The following PTPRD variants were observed in gnomAD, a reference collection of about 807,000 sequenced individuals.
The protein encoded by PTPRD is protein tyrosine phosphatase receptor type D, also known as receptor-type tyrosine-protein phosphatase delta.
Under a neutral mutation model 214.5 loss-of-function variants are expected in PTPRD, and 34 were observed. The ratio of observed to expected loss-of-function variants is 0.16; its 90% confidence interval spans 0.12 to 0.21. The LOEUF (loss-of-function observed/expected upper bound fraction) is 0.21. PTPRD is among the 10% of genes least tolerant of loss of function. The pLI is 1.00. For missense variants in PTPRD, 2,545 were observed against 2,398.7 expected (o/e 1.06, Z -1.27); for synonymous variants, 1,128 against 845.7 (o/e 1.33, Z -5.79).
intron 4 of PTPRD, among the ~76,000 whole-genome samples, chr9:10,030,461 G>T (rs1229777732): frequency 6.6e-6 from 1 of 152,138 alleles, no homozygotes; most frequent in Non-Finnish European, 1.5e-5. Flanking sequence ...AGTACCTGTT[G>T]GTTTGAGTAT....
At chr9:9,380,636 T>C (rs756257480) in intron 9 of PTPRD, among the ~76,000 whole-genome samples, 7 of 152,146 alleles carry the variant, frequency 4.6e-5, no homozygotes, top group Non-Finnish European at 8.8e-5. Context: ...TCCATGTGAG[T>C]TTGAGAAGAA....
intron 10 of PTPRD, among the ~76,000 whole-genome samples, chr9:9,100,040 T>C (rs186196798): frequency 1.3e-5 from 2 of 152,268 alleles, no homozygotes; most frequent in Admixed American, 1.3e-4. Context: ...AAAAGAGTCA[T>C]ACAAAATATC....
At chr9:9,081,710 T>C (rs2099759289) in intron 10 of PTPRD, among the ~76,000 whole-genome samples, 1 of 152,096 alleles carries the variant, frequency 6.6e-6, no homozygotes, top group Non-Finnish European at 1.5e-5. Flanking sequence ...TTAGGAGAGT[T>C]AGCTCTTCTT....
intron 12 of PTPRD, among the ~76,000 whole-genome samples, chr9:8,721,533 T>G (rs1597948534): frequency 1.3e-5 from 2 of 152,224 alleles, no homozygotes; most frequent in East Asian, 3.9e-4. Flanking sequence ...AAAATTAATT[T>G]TATTGATAAA....
Position 9,920,942 on chromosome 9 carries a change from T to C in PTPRD, c.-368+17565A>G, listed in dbSNP as rs375616869. Among the ~76,000 whole-genome samples, 13 of 152,266 alleles carry C rather than the reference T, an allele frequency of 8.5e-5. No individual in the cohort carries two copies. In the East Asian group the frequency reaches 2.5e-3, roughly 29 times the overall value. ...TGCTCTATTAATCTAGTTTAACTGA[T>C]ACTAAAATCTGACAGAGCGAATTAC... On this transcript the variant is annotated intron_variant, in intron 5 of 45. Coordinates refer to ENST00000381196, the MANE Select transcript of PTPRD (RefSeq NM_002839.4).
intron 5 of PTPRD, among the ~76,000 whole-genome samples, chr9:9,840,232 T>G (rs894810234): frequency 3.3e-5 from 5 of 151,944 alleles, no homozygotes; most frequent in African/African-American, 1.2e-4. Context: ...GAGATGGGGT[T>G]TTAAACTCCT....
chr9:8,731,562 G>A lies in PTPRD; in HGVS notation c.64+2218C>T, dbSNP rs1299458783. ...TAACTTTATTTTTATTTCAGTGTTTGAAGAAAAGGTAATGACAGTATTTGA... is the reference window on the plus strand; with the variant it reads ...TAACTTTATTTTTATTTCAGTGTTTAAAGAAAAGGTAATGACAGTATTTGA... On this transcript the variant is annotated intron_variant, in intron 12 of 45. Coordinates refer to ENST00000381196, the MANE Select transcript of PTPRD (RefSeq NM_002839.4). Among the ~76,000 whole-genome samples, 3 of 152,120 alleles carry A rather than the reference G, an allele frequency of 2.0e-5. No homozygotes were observed. In the South Asian group the frequency reaches 6.2e-4, roughly 32 times the overall value.
Position 9,293,422 on chromosome 9 carries a change from C to A in PTPRD, c.-203+104027G>T, listed in dbSNP as rs150463216. On this transcript the variant is annotated intron_variant, in intron 9 of 45. Transcript: ENST00000381196. The stretch of plus-strand genomic sequence containing the variant: ...TTTTGCATTTTGTTTCTTTTATGTC[C>A]TTAAATTTTTACACTACAAGCTGTC... Among the ~76,000 whole-genome samples the A allele has an allele frequency of 4.8e-5, 7 of 145,816 alleles. No homozygotes were observed. In the Admixed American group the frequency reaches 4.8e-4, roughly 10 times the overall value.
At chr9:10,193,912 C>T (rs189812401) in intron 3 of PTPRD, among the ~76,000 whole-genome samples, 2 of 152,144 alleles carry the variant, frequency 1.3e-5, no homozygotes, top group East Asian at 3.9e-4. Flanking sequence ...GTTAGATGCT[C>T]CGAAACACGT....
chr9:10,060,083 G>C (rs2097730454), intron 3 of PTPRD, among the ~76,000 whole-genome samples: 1 of 152,014 alleles, frequency 6.6e-6, no homozygotes, highest in Non-Finnish European at 1.5e-5. Flanking sequence ...AATATTCAAA[G>C]AATATAAGGA....
chr9:9,333,120 A>ACTT (rs982567681), intron 9 of PTPRD, among the ~76,000 whole-genome samples: 3 of 151,970 alleles, frequency 2.0e-5, no homozygotes, highest in Non-Finnish European at 4.4e-5. Context: ...CTGCAGAGAT[A>ACTT]CTTCAAATAT....
rs1201854859 is a variant in PTPRD at position 9,738,427 on chromosome 9, TTCAC to T, written c.-325-3860_-325-3857del. Reference sequence around the variant, plus strand: ...TTTGGAGAAATATGTATTAAAATTCTTCACTCACTCACTTTTTTTTTTTTTTTTT... The same window carrying T: ...TTTGGAGAAATATGTATTAAAATTCTTCACTCACTTTTTTTTTTTTTTTTT... On this transcript the variant is annotated intron_variant, in intron 6 of 45. Coordinates refer to ENST00000381196, the MANE Select transcript of PTPRD (RefSeq NM_002839.4). Among the ~76,000 whole-genome samples the T allele has an allele frequency of 2.0e-5, 3 of 147,688 alleles. No individual in the cohort carries two copies. The East Asian group carries it at 5.9e-4, about 29-fold the overall frequency.
chr9:9,751,158 T>A (rs2098514761), intron 6 of PTPRD, among the ~76,000 whole-genome samples: 1 of 150,998 alleles, frequency 6.6e-6, no homozygotes, highest in African/African-American at 2.4e-5. Flanking sequence ...TTTTTAAATC[T>A]CCACTAAGTA....
intron 2 of PTPRD, among the ~76,000 whole-genome samples, chr9:10,457,445 A>C (rs1806199634): frequency 6.6e-6 from 1 of 152,038 alleles, no homozygotes; most frequent in African/African-American, 2.4e-5. Context: ...TATTTCTGAG[A>C]ACGCTTCTTT....
At chr9:8,899,118 G>C (rs755745837) in intron 11 of PTPRD, among the ~76,000 whole-genome samples, 11 of 152,066 alleles carry the variant, frequency 7.2e-5, no homozygotes, top group Non-Finnish European at 1.5e-4. Context: ...AGCTAACGGA[G>C]AACCAGGCAA....
At chr9:10,369,259 G>A (rs2097568363) in intron 2 of PTPRD, among the ~76,000 whole-genome samples, 1 of 152,034 alleles carries the variant, frequency 6.6e-6, no homozygotes, top group Non-Finnish European at 1.5e-5. Context: ...AGTTTTAACA[G>A]TTCAAGATGC....
At chr9:9,596,413 C>A (rs545035888) in intron 7 of PTPRD, among the ~76,000 whole-genome samples, 3 of 151,918 alleles carry the variant, frequency 2.0e-5, no homozygotes, top group African/African-American at 7.2e-5. Context: ...CTTATAGGGA[C>A]GATATTATAC....
At chr9:10,089,859 A>G (rs2098407587) in intron 3 of PTPRD, among the ~76,000 whole-genome samples, 1 of 151,698 alleles carries the variant, frequency 6.6e-6, no homozygotes, top group Non-Finnish European at 1.5e-5. Flanking sequence ...GAACCATCAG[A>G]CACCTGACTG....
chr9:8,953,770 G>A (rs1025803586), intron 11 of PTPRD, among the ~76,000 whole-genome samples: 1 of 151,952 alleles, frequency 6.6e-6, no homozygotes, highest in African/African-American at 2.4e-5. Flanking sequence ...CTAATCATCA[G>A]AGAAATGCAA....
Sources: gnomAD v4.1 joint callset for allele counts (sites outside exome capture counted in the v4.1 genomes callset) on GRCh38, gnomAD v4.1.1 for gene constraint, MANE v1.5 for transcripts, NCBI Gene and HGNC (gene_info 2026-07-23, HGNC 2026-07-21) for gene names.